OLFM3: variants seen among roughly 807,000 people sequenced by gnomAD.
OLFM3 encodes the protein noelin-3.
In OLFM3, 20 loss-of-function variants were observed where a neutral mutation model predicts 48.6. The observed-to-expected ratio is 0.41, with a 90% CI of 0.29 to 0.60. OLFM3 has a LOEUF of 0.60. Among genes scored for constraint, OLFM3 ranks in the 20% least tolerant of loss-of-function variants. The probability of loss-of-function intolerance (pLI) is 0.28; values close to 1 mark genes in which losing one functional copy is unlikely to be tolerated. For synonymous variants in OLFM3, 222 were observed against 198.1 expected (o/e 1.12, Z -1.01); for missense variants, 437 against 544.3 (o/e 0.80, Z 1.96).
At chr1:101,940,898 T>C (rs1371156713) in intron 1 of OLFM3, among the ~76,000 whole-genome samples, 1 of 151,972 alleles carries the variant, frequency 6.6e-6, no homozygotes, top group Non-Finnish European at 1.5e-5. Context: ...GCCTAAGAAA[T>C]TGGCACTGAA....
chr1:101,843,783 G>A (rs1483251636), intron 1 of OLFM3, among the ~76,000 whole-genome samples: 1 of 151,982 alleles, frequency 6.6e-6, no homozygotes, highest in South Asian at 2.1e-4. Context: ...CTTTTTCCAG[G>A]TCATTTGAAA....
At chr1:101,919,046 A>T (rs1659012202) in intron 1 of OLFM3, among the ~76,000 whole-genome samples, 1 of 152,182 alleles carries the variant, frequency 6.6e-6, no homozygotes, top group Non-Finnish European at 1.5e-5. Flanking sequence ...TCACTGTTAC[A>T]TATCAACCAC....
rs940232934 is a variant in OLFM3 at position 101,973,359 on chromosome 1, T to C, written c.69+23389A>G. 5.3e-5 allele frequency among the ~76,000 whole-genome samples: 8 copies of C among 152,176 alleles called. No individual in the cohort carries two copies. In the East Asian group the frequency reaches 1.5e-3, roughly 29 times the overall value. ...ATAGATGTTCCAACTGAAGAGAGAG[T>C]AAATGCACCCTTCCTCTTTTTTTAT... On this transcript the variant is annotated intron_variant, in intron 1 of 5. Coordinates refer to ENST00000370103, the MANE Select transcript of OLFM3 (RefSeq NM_058170.4).
At chr1:101,836,154 T>A (rs1319650627) in intron 2 of OLFM3, among the ~76,000 whole-genome samples, 1 of 152,226 alleles carries the variant, frequency 6.6e-6, no homozygotes, top group East Asian at 1.9e-4. Context: ...ACACGTCATC[T>A]TTCCATAATC....
intron 1 of OLFM3, among the ~76,000 whole-genome samples, chr1:101,933,202 A>G (rs1659507738): frequency 2.2e-5 from 1 of 44,852 alleles, no homozygotes; most frequent in Non-Finnish European, 4.3e-5. Flanking sequence ...ACTCCATCTC[A>G]AAAAAAAAAA....
At chr1:101,812,595 A>G in intron 4 of OLFM3, 1 of 985,534 alleles carries the variant, frequency 1.0e-6, no homozygotes, top group Non-Finnish European at 1.2e-6. Context: ...CGACATTTCC[A>G]AACAACCCAC....
chr1:101,837,495 C>G (rs1003054939), intron 1 of OLFM3, among the ~76,000 whole-genome samples: 1 of 152,108 alleles, frequency 6.6e-6, no homozygotes, highest in African/African-American at 2.4e-5. Flanking sequence ...TATATTGAAG[C>G]CTTAATTATT....
intron 1 of OLFM3, among the ~76,000 whole-genome samples, chr1:101,931,279 G>C (rs142056744): frequency 6.6e-6 from 1 of 152,124 alleles, no homozygotes; most frequent in Admixed American, 6.5e-5. Flanking sequence ...TCATTACTTA[G>C]GACATTCATA....
At chr1:101,857,747 C>A (rs772576406) in intron 1 of OLFM3, among the ~76,000 whole-genome samples, 2 of 151,854 alleles carry the variant, frequency 1.3e-5, no homozygotes, top group African/African-American at 4.8e-5. Flanking sequence ...TTTATTGAGT[C>A]CTTTCTAGGT....
chr1:101,899,046 A>C (rs1658300897), intron 1 of OLFM3, among the ~76,000 whole-genome samples: 1 of 152,172 alleles, frequency 6.6e-6, no homozygotes, highest in African/African-American at 2.4e-5. Flanking sequence ...TTAAACAACA[A>C]ACATTGATTA....
chr1:101,844,929 T>G (rs1362083845), intron 1 of OLFM3, among the ~76,000 whole-genome samples: 1 of 152,212 alleles, frequency 6.6e-6, no homozygotes, highest in Non-Finnish European at 1.5e-5. Context: ...TAAGAGATAC[T>G]GATGCATTCA....
intron 1 of OLFM3, among the ~76,000 whole-genome samples, chr1:101,884,173 C>T (rs1557715658): frequency 6.6e-6 from 1 of 151,820 alleles, no homozygotes; most frequent in African/African-American, 2.4e-5. Context: ...TTCCTGCTCC[C>T]CTTGGCATTT....
intron 1 of OLFM3, among the ~76,000 whole-genome samples, chr1:101,901,515 A>G (rs960057511): frequency 4.6e-5 from 7 of 152,100 alleles, no homozygotes; most frequent in Non-Finnish European, 8.8e-5. Flanking sequence ...AATGAGTCTG[A>G]AAGTTTTCAA....
At chr1:101,831,518 C>T (rs149286710) in intron 2 of OLFM3, among the ~76,000 whole-genome samples, 8 of 152,198 alleles carry the variant, frequency 5.3e-5, no homozygotes, top group Admixed American at 1.3e-4. Context: ...TAACCTATAA[C>T]GCATGCAGAA....
intron 1 of OLFM3, among the ~76,000 whole-genome samples, chr1:101,875,283 A>T (rs148325231): frequency 6.9e-4 from 105 of 152,136 alleles, no homozygotes; most frequent in African/African-American, 2.4e-3. Context: ...GATATATGTC[A>T]TTATATATTT....
At chr1:101,838,356 G>T (rs1322128504) in intron 1 of OLFM3, among the ~76,000 whole-genome samples, 1 of 152,134 alleles carries the variant, frequency 6.6e-6, no homozygotes, top group African/African-American at 2.4e-5. Flanking sequence ...ACTGCAACCA[G>T]CCCAGCTATT....
rs541798537 is a variant in OLFM3, at chr1:101,883,531, A to G, written c.70-46506T>C. 5.9e-5 allele frequency among the ~76,000 whole-genome samples: 9 copies of G among 151,898 alleles called. No individual in the cohort carries two copies. In the East Asian group the frequency reaches 1.4e-3, roughly 23 times the overall value. ...TTCAGAATCCGTTCCTTCCTTACCA[A>G]TGTGTGTCTGTGACATACCCTTAAT... is the stretch of plus-strand genomic sequence containing the variant. On this transcript the variant is annotated intron_variant, in intron 1 of 5. Transcript: ENST00000370103.
intron 1 of OLFM3, among the ~76,000 whole-genome samples, chr1:101,873,483 G>A (rs2100979582): frequency 6.6e-6 from 1 of 151,904 alleles, no homozygotes; most frequent in Middle Eastern, 3.4e-3. Context: ...GTCATTTGTG[G>A]AAGTTGTACA....
At chr1:101,921,634 T>C (rs1036475874) in intron 1 of OLFM3, among the ~76,000 whole-genome samples, 1 of 152,220 alleles carries the variant, frequency 6.6e-6, no homozygotes, top group Non-Finnish European at 1.5e-5. Context: ...GTAAATCTTT[T>C]ACCTAAGAAA....
Sources: gnomAD v4.1 joint callset for allele counts (sites outside exome capture counted in the v4.1 genomes callset) on GRCh38, gnomAD v4.1.1 for gene constraint, MANE v1.5 for transcripts, NCBI Gene and HGNC (gene_info 2026-07-23, HGNC 2026-07-21) for gene names.